TTL: variants seen among roughly 807,000 people sequenced by gnomAD.
The protein encoded by TTL is tubulin tyrosine ligase, also known as tubulin--tyrosine ligase.
In TTL, 10 loss-of-function variants were observed where a neutral mutation model predicts 41.1. The ratio of observed to expected loss-of-function variants is 0.24; its 90% CI spans 0.15 to 0.41. The LOEUF is 0.41. Ranked by LOEUF, TTL falls within the 10% of genes least tolerant of loss-of-function variation. The pLI, the probability that TTL is intolerant of heterozygous loss-of-function variation, is 1.00. For missense variants in TTL, 367 were observed against 460.4 expected (o/e 0.80, Z 1.86); for synonymous variants, 175 against 175.5 (o/e 1.00, Z 0.02).
At position 112,526,307 on chromosome 2, in the gene TTL, G is replaced by C. The variant is rs1160534835; in HGVS notation, c.1020-2374G>C. ...CAGGATGATGCTGGCCTCATAAAAT[G>C]AGTTAGGGAGGAGTCCCTCTTTTTC... On this transcript the variant is annotated intron_variant, in intron 6 of 6. Coordinates refer to ENST00000233336, the MANE Select transcript of TTL (RefSeq NM_153712.5). 7.2e-5 allele frequency among the ~76,000 whole-genome samples: 11 copies of C among 152,202 alleles called. No homozygotes were observed. In the East Asian group the frequency reaches 1.9e-3, roughly 27 times the overall value.
intron 5 of TTL, among the ~76,000 whole-genome samples, chr2:112,510,815 T>G (rs1681900805): frequency 6.6e-6 from 1 of 152,252 alleles, no homozygotes; most frequent in Non-Finnish European, 1.5e-5. Context: ...TAAAATATTT[T>G]CTAATTTCCC....
chr2:112,517,969 A>G (rs1682115209), intron 5 of TTL, among the ~76,000 whole-genome samples: 1 of 149,620 alleles, frequency 6.7e-6, no homozygotes. Context: ...TTTTGGAGAT[A>G]GGGTCTCGCT....
intron 2 of TTL, among the ~76,000 whole-genome samples, chr2:112,488,697 G>A (rs954673813): frequency 5.9e-5 from 9 of 151,666 alleles, no homozygotes; most frequent in African/African-American, 9.7e-5. Context: ...GGTGGAGGTT[G>A]CAGTGAGCCG....
Position 112,503,403 on chromosome 2 carries a change from G to GTATATATATA in TTL, c.875+230_875+239dup, listed in dbSNP as rs61614473. The stretch of plus-strand genomic sequence containing the variant: ...TGTGTGTGTATGTGTGTGTGTGTGT[G>GTATATATATA]TATATATATATATATATTTATATAT... On this transcript the variant is annotated intron_variant, in intron 5 of 6. Coordinates refer to ENST00000233336, the MANE Select transcript of TTL (RefSeq NM_153712.5). Among the ~76,000 whole-genome samples the GTATATATATA allele has an allele frequency of 1.2e-3, 169 of 143,436 alleles. 1 individual carries two copies. The highest frequency in any genetic ancestry group is 2.5e-3 in the Admixed American group (35 of 14,202). The allele number at this position is 143,436 out of a possible 152,430, so 94.1% of individuals were successfully genotyped here.
chr2:112,541,695 C>T lies in TTL; in HGVS notation c.*12900C>T, dbSNP rs1023647024. 5 of 201,376 alleles carry T rather than the reference C, an allele frequency of 2.5e-5. No individual in the cohort carries two copies. The highest frequency in any genetic ancestry group is 5.3e-5 in the Admixed American group (1 of 18,812). 12.5% of individuals were successfully genotyped at this position (201,376 alleles called of 1,614,324 possible). ...GTGGTTTATTGTATGCCAGTTATAA[C>T]GCAATATAGCTGTTAAACACAAACA... On this transcript the variant is annotated 3_prime_UTR_variant, in exon 7 of 7. Coordinates refer to ENST00000233336, the MANE Select transcript of TTL (RefSeq NM_153712.5).
chr2:112,497,333 C>G (rs1392869274), intron 3 of TTL, among the ~76,000 whole-genome samples: 2 of 151,292 alleles, frequency 1.3e-5, no homozygotes, highest in Non-Finnish European at 3.0e-5. Flanking sequence ...CTTGTTTCTT[C>G]TTAAAAATTT....
chr2:112,525,113 T>C (rs890432942), intron 6 of TTL, among the ~76,000 whole-genome samples: 4 of 152,202 alleles, frequency 2.6e-5, no homozygotes, highest in Non-Finnish European at 4.4e-5. Flanking sequence ...ATGTGTGACA[T>C]TATTTCTGAG....
At position 112,482,229 on chromosome 2, in the gene TTL, G is replaced by C. The variant is rs1301640059; in HGVS notation, c.-116G>C. The C allele has an allele frequency of 1.3e-6, 1 of 768,624 alleles. No homozygotes were observed. Among genetic ancestry groups the C allele is most frequent in the Non-Finnish European group, 1.6e-6 (1 of 635,368 alleles). 47.6% of individuals were successfully genotyped at this position (768,624 alleles called of 1,614,324 possible). On this transcript the variant is annotated 5_prime_UTR_variant, in exon 1 of 7. Transcript: ENST00000233336. The surrounding 1 kb of genome is among the most constrained non-coding windows in gnomAD (Gnocchi z 5.3). ...ACCCGAGAGGCGCGGTAGCCGGCGC[G>C]GGCGGCGGGGGCCGGGCCGCGGCGG... is the stretch of plus-strand genomic sequence containing the variant.
At position 112,482,265 on chromosome 2, in the gene TTL, G is replaced by C; in HGVS notation, c.-80G>C. ...GCCGGGCCGCGGCGGGCGCCCGGGC[G>C]GGGTCCGCGCTGAGCCGCCTTCTCG... On this transcript the variant is annotated 5_prime_UTR_variant, in exon 1 of 7. Coordinates refer to ENST00000233336, the MANE Select transcript of TTL (RefSeq NM_153712.5). The surrounding 1 kb of genome is among the most constrained non-coding windows in gnomAD (Gnocchi z 5.3). 3 of 968,284 alleles carry C rather than the reference G, an allele frequency of 3.1e-6. No individual in the cohort carries two copies. Among genetic ancestry groups the C allele is most frequent in the Non-Finnish European group, 3.7e-6 (3 of 814,492 alleles). The allele number at this position is 968,284 out of a possible 1,614,324, so 60.0% of individuals were successfully genotyped here.
chr2:112,490,568 C>CTTTTTT (rs35722764), intron 2 of TTL, among the ~76,000 whole-genome samples: 22 of 110,698 alleles, frequency 2.0e-4, no homozygotes, highest in Non-Finnish European at 2.3e-4. Context: ...CTTAGTAAAT[C>CTTTTTT]TTTTTTTTTT....
At chr2:112,494,499 T>C in intron 3 of TTL, 124 bp downstream of exon 3, 1 of 732,286 alleles carries the variant, frequency 1.4e-6, no homozygotes, top group South Asian at 1.9e-5. Context: ...TACATAGTTA[T>C]AAATACCCAT....
At chr2:112,521,764 GA>G (rs1460370393) in intron 6 of TTL, among the ~76,000 whole-genome samples, 6 of 152,206 alleles carry the variant, frequency 3.9e-5, no homozygotes, top group Non-Finnish European at 8.8e-5. Flanking sequence ...ACTGTGAGCA[GA>G]CAGATACCAG....
chr2:112,494,481 T>C (rs1681474232), intron 3 of TTL, 106 bp downstream of exon 3: 1 of 860,728 alleles, frequency 1.2e-6, no homozygotes, highest in South Asian at 1.8e-5. Context: ...GTTGAGACCG[T>C]GTCTAGTTAC....
rs568909347 is a variant in TTL, at chr2:112,533,271, GGCAGGGT to G, written c.*4494_*4500del. ...CAGTGGACTCAGCAGAGATTGCATGGGCAGGGTGCAGGGTGCAGGGTGCAAGCAGACA... is the reference window on the plus strand; with the variant it reads ...CAGTGGACTCAGCAGAGATTGCATGGGCAGGGTGCAGGGTGCAAGCAGACA... On this transcript the variant is annotated 3_prime_UTR_variant, in exon 7 of 7. Coordinates refer to ENST00000233336, the MANE Select transcript of TTL (RefSeq NM_153712.5). The G allele has an allele frequency of 6.6e-6, 1 of 152,668 alleles. No individual in the cohort carries two copies. Among genetic ancestry groups the G allele is most frequent in the Non-Finnish European group, 1.5e-5 (1 of 68,364 alleles). The allele number at this position is 152,668 out of a possible 1,614,324, so 9.5% of individuals were successfully genotyped here. A position where few individuals can be genotyped will look rare whatever the true frequency, so the allele number is the denominator to read the frequency against.
intron 5 of TTL, among the ~76,000 whole-genome samples, chr2:112,514,731 C>A (rs1319413910): frequency 6.6e-6 from 1 of 152,192 alleles, no homozygotes; most frequent in Non-Finnish European, 1.5e-5. Context: ...GTGCTTCTTG[C>A]ACCGTGGCTT....
Position 112,537,504 on chromosome 2 carries a change from T to G in TTL, c.*8709T>G, listed in dbSNP as rs1015922939. ...TCCTTAGCCTCTTCAGCATCTGTTA[T>G]TTTTTGACTTTTTAATATAGCTATT... is the stretch of plus-strand genomic sequence containing the variant. On this transcript the variant is annotated 3_prime_UTR_variant, in exon 7 of 7. Transcript: ENST00000233336. 2.6e-5 allele frequency: 4 copies of G among 152,258 alleles called. No individual in the cohort carries two copies. The highest frequency in any genetic ancestry group is 9.6e-5 in the African/African-American group (4 of 41,462). The allele number at this position is 152,258 out of a possible 1,614,324, so 9.4% of individuals were successfully genotyped here. A position where few individuals can be genotyped will look rare whatever the true frequency, so the allele number is the denominator to read the frequency against.
intron 6 of TTL, among the ~76,000 whole-genome samples, chr2:112,523,273 C>G (rs754086052): frequency 5.3e-5 from 8 of 152,218 alleles, no homozygotes; most frequent in Admixed American, 1.3e-4. Flanking sequence ...TAGGCAGAGC[C>G]TTTGCAGTTT....
In TTL at chr2:112,533,412, T is replaced by G. The variant is rs189501516; in HGVS notation, c.*4617T>G. ...ACTTCCTGTCAGTAGCTACACCTCC[T>G]TCTTAACCTGAAGTTCTCCCATAAC... is the stretch of plus-strand genomic sequence containing the variant. On this transcript the variant is annotated 3_prime_UTR_variant, in exon 7 of 7. Coordinates refer to ENST00000233336, the MANE Select transcript of TTL (RefSeq NM_153712.5). 1 of 152,428 alleles carries G rather than the reference T, an allele frequency of 6.6e-6. No individual in the cohort carries two copies. The highest frequency in any genetic ancestry group is 1.9e-4 in the East Asian group (1 of 5,200). The allele number at this position is 152,428 out of a possible 1,614,324, so 9.4% of individuals were successfully genotyped here.
At chr2:112,509,594 C>T (rs1681867546) in intron 5 of TTL, among the ~76,000 whole-genome samples, 1 of 152,122 alleles carries the variant, frequency 6.6e-6, no homozygotes, top group Non-Finnish European at 1.5e-5. Flanking sequence ...GCGTCTGTCA[C>T]CCCTTTCTTT....
Sources: allele counts gnomAD v4.1 joint callset (sites outside exome capture counted in the v4.1 genomes callset), GRCh38; gene constraint gnomAD v4.1.1; non-coding constraint Gnocchi (gnomAD v3.1); transcripts MANE v1.5; gene names NCBI Gene and HGNC (gene_info 2026-07-23, HGNC 2026-07-21).